PCDH15: variants seen among roughly 807,000 people sequenced by gnomAD.
The protein encoded by PCDH15 is protocadherin-15.
Under a neutral mutation model 178.5 loss-of-function variants are expected in PCDH15, and 129 were observed. That is an observed-to-expected ratio of 0.72 (90% CI 0.63 to 0.84). The LOEUF is 0.84. Ranked by LOEUF, PCDH15 falls within the 40% of genes least tolerant of loss-of-function variation. The pLI, the probability that PCDH15 is intolerant of heterozygous loss-of-function variation, is 0.00. For missense variants in PCDH15, 2,230 were observed against 2,099.9 expected (o/e 1.06, Z -1.21); for synonymous variants, 800 against 732.0 (o/e 1.09, Z -1.50).
chr10:54,379,094 A>T (rs1486117627), intron 3 of PCDH15, 152 bp from the exon 4 acceptor site: 1 of 783,650 alleles, frequency 1.3e-6, no homozygotes, highest in African/African-American at 1.7e-5. Flanking sequence ...AATATTCTTT[A>T]CCAAAAGGCC....
intron 2 of PCDH15, among the ~76,000 whole-genome samples, chr10:55,148,043 AT>A (rs1237625710): frequency 6.6e-6 from 1 of 151,830 alleles, no homozygotes; most frequent in Admixed American, 6.6e-5. Flanking sequence ...CCATTTAATC[AT>A]GTCCTGTAAA....
At chr10:53,923,660 T>C (rs1357017446) in intron 25 of PCDH15, among the ~76,000 whole-genome samples, 1 of 152,240 alleles carries the variant, frequency 6.6e-6, no homozygotes, top group African/African-American at 2.4e-5. Context: ...TATTTGGCAC[T>C]AGCTATAGTT....
chr10:54,677,802 C>A (rs2094818617), intron 1 of PCDH15, among the ~76,000 whole-genome samples: 2 of 152,224 alleles, frequency 1.3e-5, no homozygotes, highest in South Asian at 4.2e-4. Flanking sequence ...GCTTTATGTG[C>A]CATCCAGACC....
At chr10:55,147,171 T>A in intron 2 of PCDH15, among the ~76,000 whole-genome samples, 1 of 151,526 alleles carries the variant, frequency 6.6e-6, no homozygotes. Flanking sequence ...ATTATATGAC[T>A]GGTGTGTCTA....
chr10:54,125,325 C>A (rs1362033388), intron 15 of PCDH15, among the ~76,000 whole-genome samples: 2 of 152,144 alleles, frequency 1.3e-5, no homozygotes, highest in Non-Finnish European at 2.9e-5. Context: ...GAGCGAGTCA[C>A]CTCACTGGGA....
At chr10:54,162,202 ATGCAC>A (rs1430013284) in intron 13 of PCDH15, among the ~76,000 whole-genome samples, 1 of 136,330 alleles carries the variant, frequency 7.3e-6, no homozygotes, top group African/African-American at 2.9e-5. Context: ...CTGCCTTCTT[ATGCAC>A]CTCACAAAGT....
At chr10:54,342,708 G>A (rs1942483341) in intron 6 of PCDH15, among the ~76,000 whole-genome samples, 1 of 152,204 alleles carries the variant, frequency 6.6e-6, no homozygotes, top group African/African-American at 2.4e-5. Context: ...ATGCCAGCCT[G>A]AGAAGGCAGC....
At chr10:54,923,163 C>A (rs1408786681) in intron 2 of PCDH15, among the ~76,000 whole-genome samples, 1 of 138,300 alleles carries the variant, frequency 7.2e-6, no homozygotes, top group African/African-American at 2.5e-5. Flanking sequence ...AGCAACAGCC[C>A]AGGCTGTATT....
intron 2 of PCDH15, among the ~76,000 whole-genome samples, chr10:54,921,141 A>G (rs1242908664): frequency 2.6e-5 from 4 of 152,116 alleles, no homozygotes; most frequent in Admixed American, 2.6e-4. Context: ...TCCATAACCT[A>G]GAAGAGTTAA....
chr10:55,476,282 A>G (rs1276959589), intron 2 of PCDH15, among the ~76,000 whole-genome samples: 1 of 152,014 alleles, frequency 6.6e-6, no homozygotes, highest in Non-Finnish European at 1.5e-5. Flanking sequence ...GCCTTTGAGA[A>G]TAGAAAAAGA....
At chr10:55,474,893 G>A (rs748836365) in intron 2 of PCDH15, among the ~76,000 whole-genome samples, 8 of 152,118 alleles carry the variant, frequency 5.3e-5, no homozygotes, top group Non-Finnish European at 1.2e-4. Context: ...AAGCCCTGTC[G>A]ATTCTATCTT....
intron 1 of PCDH15, among the ~76,000 whole-genome samples, chr10:55,247,365 T>C (rs1023049945): frequency 5.9e-5 from 9 of 152,198 alleles, no homozygotes; most frequent in Non-Finnish European, 2.9e-5. Flanking sequence ...GTAAATGGCC[T>C]AGTCAAACAG....
intron 2 of PCDH15, chr10:54,568,806 A>G (rs1481871443): frequency 6.6e-6 from 1 of 152,144 alleles, no homozygotes; most frequent in African/African-American, 2.4e-5. Flanking sequence ...TATATAGAAT[A>G]GCAAATATGA....
rs3072796 is a variant in PCDH15 at position 54,974,057 on chromosome 10, T to TCACA, written c.-79-76561_-79-76558dup. Among the ~76,000 whole-genome samples, 101 of 99,728 alleles carry TCACA rather than the reference T, an allele frequency of 1.0e-3. 1 individual carries two copies. The highest frequency in any genetic ancestry group is 4.5e-4 in the African/African-American group (12 of 26,904). The allele number at this position is 99,728 out of a possible 152,430, so 65.4% of individuals were successfully genotyped here. A position where few individuals can be genotyped will look rare whatever the true frequency, so the allele number is the denominator to read the frequency against. ...CTCCTTCCTTCTCTCTCTCTCTCTC[T>TCACA]CACACACACACACACACACACACAC... On this transcript the variant is annotated intron_variant, in intron 2 of 5. Transcript: ENST00000458638.
intron 13 of PCDH15, among the ~76,000 whole-genome samples, chr10:54,160,849 A>G (rs542439502): frequency 6.6e-6 from 1 of 152,318 alleles, no homozygotes; most frequent in East Asian, 1.9e-4. Context: ...TCACAATGAG[A>G]TACTAATAAG....
intron 2 of PCDH15, among the ~76,000 whole-genome samples, chr10:55,039,793 A>G (rs772977137): frequency 1.3e-5 from 2 of 152,162 alleles, no homozygotes; most frequent in Non-Finnish European, 2.9e-5. Context: ...GCGTTTATAA[A>G]TGATTTAGTA....
intron 2 of PCDH15, among the ~76,000 whole-genome samples, chr10:55,099,663 G>A (rs1229916792): frequency 6.6e-6 from 1 of 151,918 alleles, no homozygotes; most frequent in Admixed American, 6.6e-5. Flanking sequence ...AACCATGTCA[G>A]TAATATCCAT....
chr10:54,892,223 C>T (rs981935216), intron 3 of PCDH15, among the ~76,000 whole-genome samples: 3 of 152,042 alleles, frequency 2.0e-5, no homozygotes, highest in African/African-American at 7.2e-5. Flanking sequence ...TTTCTCCTCC[C>T]TAGCTAACAA....
Position 53,806,036 on chromosome 10 carries a change from T to A in PCDH15, c.*543A>T, listed in dbSNP as rs1841128127. On this transcript the variant is annotated 3_prime_UTR_variant, in exon 38 of 38. Transcript: ENST00000644397. Reference sequence around the variant, plus strand: ...ACAATAAAGAAAGAAAACAAGCTCATGATTTAAAATAATTAATTATTTACA... The same window carrying A: ...ACAATAAAGAAAGAAAACAAGCTCAAGATTTAAAATAATTAATTATTTACA... 1 of 132,662 alleles carries A rather than the reference T, an allele frequency of 7.5e-6. No individual in the cohort carries two copies. The highest frequency in any genetic ancestry group is 3.1e-5 in the African/African-American group (1 of 32,102). The allele number at this position is 132,662 out of a possible 1,614,324, so 8.2% of individuals were successfully genotyped here.
Sources: allele counts gnomAD v4.1 joint callset (sites outside exome capture counted in the v4.1 genomes callset), GRCh38; gene constraint gnomAD v4.1.1; transcripts MANE v1.5; gene names NCBI Gene and HGNC (gene_info 2026-07-23, HGNC 2026-07-21).